The following PLEKHG1 variants were observed in gnomAD, a reference collection of about 807,000 sequenced individuals.
PLEKHG1 encodes the protein pleckstrin homology domain-containing family G member 1.
Under a neutral mutation model 100.8 loss-of-function variants are expected in PLEKHG1, and 44 were observed. The observed-to-expected ratio is 0.44, with a 90% CI of 0.34 to 0.56. The LOEUF (loss-of-function observed/expected upper bound fraction) is 0.56, where lower values mean the gene tolerates loss of function less well. Ranked by LOEUF, PLEKHG1 falls within the 20% of genes least tolerant of loss-of-function variation. The probability of loss-of-function intolerance (pLI) is 0.01; values close to 1 mark genes in which losing one functional copy is unlikely to be tolerated. For missense variants in PLEKHG1, 1,545 were observed against 1,720.9 expected (o/e 0.90, Z 1.81); for synonymous variants, 640 against 662.5 (o/e 0.97, Z 0.52).
upstream of PLEKHG1, among the ~76,000 whole-genome samples, chr6:150,716,107 C>CAAAAAAA (rs10592056): frequency 7.3e-6 from 1 of 137,300 alleles, no homozygotes. Context: ...GACTCCGTCT[C>CAAAAAAA]AAAAAAAAAA....
chr6:150,737,288 T>A (rs1204938979), intron 2 of PLEKHG1, among the ~76,000 whole-genome samples: 1 of 149,800 alleles, frequency 6.7e-6, no homozygotes, highest in Non-Finnish European at 1.5e-5. Flanking sequence ...GGTATTTTTT[T>A]TTTTTTTTTT....
chr6:150,609,379 A>G (rs1176889799), intron 1 of PLEKHG1, among the ~76,000 whole-genome samples: 1 of 152,206 alleles, frequency 6.6e-6, no homozygotes, highest in Non-Finnish European at 1.5e-5. Context: ...CAAGGTTTAA[A>G]TCATAAGGAG....
intron 2 of PLEKHG1, among the ~76,000 whole-genome samples, chr6:150,768,244 C>T (rs1784538094): frequency 6.6e-6 from 1 of 152,172 alleles, no homozygotes; most frequent in South Asian, 2.1e-4. Context: ...CAAATTCTGT[C>T]AGTTCAGAAT....
intron 2 of PLEKHG1, among the ~76,000 whole-genome samples, chr6:150,751,819 A>C (rs7757414): frequency 0.17 from 26,357 of 152,150 alleles, 4,023 homozygotes; most frequent in African/African-American, 0.41. Flanking sequence ...ATTATGGCCC[A>C]GAGCAAAACT....
chr6:150,792,902 A>G (rs917574598), intron 4 of PLEKHG1, among the ~76,000 whole-genome samples: 4 of 152,196 alleles, frequency 2.6e-5, no homozygotes, highest in Admixed American at 2.0e-4. Flanking sequence ...ACAAGCTACA[A>G]AAGACCATAG....
At chr6:150,652,616 A>T (rs1778796215) in intron 3 of PLEKHG1, among the ~76,000 whole-genome samples, 1 of 151,606 alleles carries the variant, frequency 6.6e-6, no homozygotes, top group African/African-American at 2.4e-5. Flanking sequence ...GCTACTTGGG[A>T]GGCTGAGGCA....
In PLEKHG1 at chr6:150,642,287, T is replaced by TTGCTTGA. The variant is rs560962636; in HGVS notation, c.-158+4162_-158+4163insTGCTTGA. On this transcript the variant is annotated intron_variant, in intron 2 of 3. Coordinates refer to the PLEKHG1 transcript ENST00000367326. ...TCTGAATTGCTTGAAGTTATTGACCTAGATTGAAAGAAGCTCTTGAACTCT... is the reference window on the plus strand; with the variant it reads ...TCTGAATTGCTTGAAGTTATTGACCTTGCTTGAAGATTGAAAGAAGCTCTTGAACTCT... 5.8e-4 allele frequency among the ~76,000 whole-genome samples: 89 copies of TTGCTTGA among 152,356 alleles called. No individual in the cohort carries two copies. In the East Asian group the frequency reaches 8.1e-3, roughly 14 times the overall value.
intron 3 of PLEKHG1, among the ~76,000 whole-genome samples, chr6:150,713,659 A>T (rs1781321391): frequency 6.6e-6 from 1 of 152,170 alleles, no homozygotes; most frequent in Non-Finnish European, 1.5e-5. Context: ...GTTTGCTCCC[A>T]GAAGCTTCTC....
intron 14 of PLEKHG1, among the ~76,000 whole-genome samples, chr6:150,824,455 C>T (rs141332104): frequency 2.4e-3 from 364 of 152,100 alleles, no homozygotes; most frequent in Non-Finnish European, 3.1e-3. Context: ...AGAACCAAAG[C>T]GACCTTGTTG....
Position 150,809,100 on chromosome 6 carries a change from C to A in PLEKHG1, c.913-5C>A. On this transcript the variant is annotated splice_region_variant and splice_polypyrimidine_tract_variant and intron_variant, in intron 7 of 15. Coordinates refer to ENST00000358517, the Ensembl canonical transcript of PLEKHG1. ...GTAAATGCCATGGCCCATTCCCTTT[C>A]TCAGGAGATACAGAGTTTGCTCACT... The A allele has an allele frequency of 6.2e-7, 1 of 1,610,806 alleles. No individual in the cohort carries two copies. Among genetic ancestry groups the A allele is most frequent in the South Asian group, 1.1e-5 (1 of 90,942 alleles).
intron 3 of PLEKHG1, among the ~76,000 whole-genome samples, chr6:150,651,354 C>T (rs948221416): frequency 5.3e-5 from 8 of 152,058 alleles, no homozygotes; most frequent in Non-Finnish European, 5.9e-5. Flanking sequence ...CTGCCTCAGC[C>T]TCCGGAGTAG....
At chr6:150,674,242 T>G (rs925156573) in intron 3 of PLEKHG1, among the ~76,000 whole-genome samples, 1 of 152,014 alleles carries the variant, frequency 6.6e-6, no homozygotes, top group African/African-American at 2.4e-5. Context: ...CCTATCAAGT[T>G]AGGGATATGC....
intron 7 of PLEKHG1, among the ~76,000 whole-genome samples, chr6:150,806,546 C>A (rs1447557907): frequency 6.6e-6 from 1 of 151,584 alleles, no homozygotes; most frequent in African/African-American, 2.4e-5. Context: ...ATTAGCTGGG[C>A]GTGGTGGCAC....
chr6:150,768,850 T>G, intron 3 of PLEKHG1, 112 bp downstream of exon 4: 1 of 659,166 alleles, frequency 1.5e-6, no homozygotes, highest in Non-Finnish European at 2.7e-6. Flanking sequence ...TCATATATTT[T>G]TGTGGGCTGT....
intron 5 of PLEKHG1, among the ~76,000 whole-genome samples, chr6:150,797,205 CTG>C (rs1267284313): frequency 6.6e-6 from 1 of 152,250 alleles, no homozygotes; most frequent in East Asian, 1.9e-4. Flanking sequence ...TTTACACACT[CTG>C]TAGCCAGTCT....
chr6:150,713,140 G>C (rs753515287), intron 3 of PLEKHG1, among the ~76,000 whole-genome samples: 1 of 152,172 alleles, frequency 6.6e-6, no homozygotes, highest in Non-Finnish European at 1.5e-5. Flanking sequence ...TGGAGAGAAG[G>C]TTTTGTGAAG....
At chr6:150,787,723 C>A (rs143906307) in intron 4 of PLEKHG1, among the ~76,000 whole-genome samples, 195 of 152,286 alleles carry the variant, frequency 1.3e-3, no homozygotes, top group African/African-American at 4.6e-3. Context: ...CCAAACACAA[C>A]ACCCTGGGTT....
rs548966384 is a variant in PLEKHG1 at position 150,788,005 on chromosome 6, C to T, written c.582+1546C>T. On this transcript the variant is annotated intron_variant, in intron 4 of 15. Coordinates refer to ENST00000358517, the Ensembl canonical transcript of PLEKHG1. Reference sequence around the variant, plus strand: ...AGGAGATATGTTAGAATAACCACAGCACATAAACAACGTAGAAGCTTTCGG... The same window carrying T: ...AGGAGATATGTTAGAATAACCACAGTACATAAACAACGTAGAAGCTTTCGG... 6.4e-4 allele frequency among the ~76,000 whole-genome samples: 98 copies of T among 152,292 alleles called. 2 individuals are homozygous for T. In the South Asian group the frequency reaches 0.02, roughly 31 times the overall value.
chr6:150,750,522 T>C (rs1290449015), intron 2 of PLEKHG1, among the ~76,000 whole-genome samples: 1 of 151,812 alleles, frequency 6.6e-6, no homozygotes, highest in African/African-American at 2.4e-5. Context: ...CACTCACGCC[T>C]GTAATCCCAG....
Sources: gnomAD v4.1 joint callset for allele counts (sites outside exome capture counted in the v4.1 genomes callset) on GRCh38, gnomAD v4.1.1 for gene constraint, MANE v1.5 for transcripts, NCBI Gene and HGNC (gene_info 2026-07-23, HGNC 2026-07-21) for gene names.